SLC4A4: variants seen among roughly 807,000 people sequenced by gnomAD.
The protein encoded by SLC4A4 is electrogenic sodium bicarbonate cotransporter 1.
SLC4A4 carries 27 observed loss-of-function variants against 111.5 expected under a neutral mutation model. The observed-to-expected ratio is 0.24, with a 90% CI of 0.18 to 0.33. The LOEUF (loss-of-function observed/expected upper bound fraction) is 0.33, where lower values mean the gene tolerates loss of function less well. Ranked by LOEUF, SLC4A4 falls within the 10% of genes least tolerant of loss-of-function variation. The pLI is 1.00. For missense variants in SLC4A4, 909 were observed against 1,315.5 expected (o/e 0.69, Z 4.78); for synonymous variants, 443 against 463.4 (o/e 0.96, Z 0.57).
chr4:71,289,598 A>T (rs935129471), intron 3 of SLC4A4, among the ~76,000 whole-genome samples: 1 of 152,200 alleles, frequency 6.6e-6, no homozygotes, highest in Non-Finnish European at 1.5e-5. Flanking sequence ...AAACAGTGCA[A>T]ATGGAAGTAT....
intron 2 of SLC4A4, among the ~76,000 whole-genome samples, chr4:71,151,756 TAAAA>T (rs35840387): frequency 1.6e-5 from 2 of 127,910 alleles, no homozygotes; most frequent in Non-Finnish European, 1.7e-5. Context: ...CCATTTCTAC[TAAAA>T]AAAAAAAAAA....
intron 7 of SLC4A4, among the ~76,000 whole-genome samples, chr4:71,408,969 T>A (rs1721117738): frequency 2.0e-5 from 3 of 152,018 alleles, no homozygotes; most frequent in South Asian, 2.1e-4. Flanking sequence ...ATAAGTCTCA[T>A]GAGATCTATG....
At chr4:71,262,837 C>A (rs1207088892) in intron 3 of SLC4A4, among the ~76,000 whole-genome samples, 1 of 151,650 alleles carries the variant, frequency 6.6e-6, no homozygotes, top group Non-Finnish European at 1.5e-5. Flanking sequence ...AGAAAAATGA[C>A]CTTGTTTTGT....
chr4:71,214,368 T>C (rs1359503150), intron 1 of SLC4A4, among the ~76,000 whole-genome samples: 7 of 152,158 alleles, frequency 4.6e-5, no homozygotes, highest in South Asian at 2.1e-4. Flanking sequence ...TCCAGGTACA[T>C]GTTAGCATTT....
At chr4:71,209,719 G>A (rs1387545509) in intron 1 of SLC4A4, among the ~76,000 whole-genome samples, 1 of 152,040 alleles carries the variant, frequency 6.6e-6, no homozygotes, top group Non-Finnish European at 1.5e-5. Flanking sequence ...AATACTTCCT[G>A]AGTATTGTGA....
intron 2 of SLC4A4, among the ~76,000 whole-genome samples, chr4:71,153,697 T>G (rs59660339): frequency 0.065 from 9,901 of 152,070 alleles, 319 homozygotes; most frequent in East Asian, 0.092. Context: ...TTGTTAGAAA[T>G]AAAATATTTC....
intron 5 of SLC4A4, among the ~76,000 whole-genome samples, chr4:71,350,989 A>G (rs1427183650): frequency 6.6e-6 from 1 of 152,180 alleles, no homozygotes. Context: ...GCACACCTAG[A>G]TCTGAAGGAT....
At chr4:71,220,667 T>G in intron 1 of SLC4A4, among the ~76,000 whole-genome samples, 1 of 152,198 alleles carries the variant, frequency 6.6e-6, no homozygotes, top group Admixed American at 6.5e-5. Flanking sequence ...ATGGGTGTCT[T>G]TTTTCTCTCA....
chr4:71,450,599 T>G, intron 10 of SLC4A4, 56 bp downstream of exon 10: 1 of 1,537,338 alleles, frequency 6.5e-7, no homozygotes, highest in Non-Finnish European at 8.9e-7. Flanking sequence ...GAGAAGGAGG[T>G]TGTGTTAAAA....
At chr4:71,353,596 T>C (rs1730036607) in intron 5 of SLC4A4, among the ~76,000 whole-genome samples, 1 of 152,228 alleles carries the variant, frequency 6.6e-6, no homozygotes, top group Admixed American at 6.5e-5. Flanking sequence ...ATAGTCGTTA[T>C]TTGTTTTTTA....
At chr4:71,532,487 G>A (rs1362340251) in intron 17 of SLC4A4, among the ~76,000 whole-genome samples, 1 of 151,910 alleles carries the variant, frequency 6.6e-6, no homozygotes, top group African/African-American at 2.4e-5. Flanking sequence ...TGGGAAATAC[G>A]TATTGTAACT....
chr4:71,063,206 C>T (rs1347233825), intron 1 of SLC4A4, among the ~76,000 whole-genome samples: 3 of 152,114 alleles, frequency 2.0e-5, no homozygotes, highest in Non-Finnish European at 4.4e-5. Flanking sequence ...GTGTCATACC[C>T]ATGGATCATT....
intron 6 of SLC4A4, among the ~76,000 whole-genome samples, chr4:71,379,386 C>T (rs1717868887): frequency 6.6e-6 from 1 of 152,142 alleles, no homozygotes; most frequent in Non-Finnish European, 1.5e-5. Context: ...CCATGCCTTG[C>T]AATCTCTCTA....
chr4:71,113,317 C>T (rs1743146861), intron 2 of SLC4A4, among the ~76,000 whole-genome samples: 1 of 152,212 alleles, frequency 6.6e-6, no homozygotes, highest in Admixed American at 6.5e-5. Context: ...CACATATCCA[C>T]ATACCCTGAA....
At chr4:71,229,159 T>G (rs1313376254) in intron 1 of SLC4A4, among the ~76,000 whole-genome samples, 1 of 152,246 alleles carries the variant, frequency 6.6e-6, no homozygotes. Context: ...TAATGTAGTT[T>G]GTAACCTTTT....
At chr4:71,220,528 A>T (rs1718677668) in intron 1 of SLC4A4, among the ~76,000 whole-genome samples, 1 of 152,012 alleles carries the variant, frequency 6.6e-6, no homozygotes, top group Non-Finnish European at 1.5e-5. Flanking sequence ...ATTAATAATA[A>T]TTCCTTAGTA....
chr4:71,183,274 A>T (rs1745358240), upstream of SLC4A4, among the ~76,000 whole-genome samples: 1 of 152,212 alleles, frequency 6.6e-6, no homozygotes, highest in Non-Finnish European at 1.5e-5. Flanking sequence ...TTTAAAAACG[A>T]CAGTTGGATA....
At chr4:71,166,453 G>T (rs1744745417) in intron 2 of SLC4A4, among the ~76,000 whole-genome samples, 2 of 152,154 alleles carry the variant, frequency 1.3e-5, no homozygotes, top group East Asian at 1.9e-4. Context: ...AAAATATGGG[G>T]TGTTAATAAA....
chr4:71,228,928 T>TTC (rs1015880298), intron 1 of SLC4A4, among the ~76,000 whole-genome samples: 3 of 152,060 alleles, frequency 2.0e-5, no homozygotes, highest in African/African-American at 7.2e-5. Flanking sequence ...TTGTACTAAT[T>TTC]TCTCTCTCTC....
Sources: gnomAD v4.1 joint callset for allele counts (sites outside exome capture counted in the v4.1 genomes callset) on GRCh38, gnomAD v4.1.1 for gene constraint, MANE v1.5 for transcripts, NCBI Gene and HGNC (gene_info 2026-07-23, HGNC 2026-07-21) for gene names.